Variants in HDAC2 observed in about 807,000 individuals in gnomAD.
HDAC2 encodes the protein histone deacetylase 2, also known as YY1-associated factor 1.
In HDAC2, 5 loss-of-function variants were observed where a neutral mutation model predicts 68.5. That is an observed-to-expected ratio of 0.07 (90% CI 0.04 to 0.15). The LOEUF (loss-of-function observed/expected upper bound fraction) is 0.15, where lower values mean the gene tolerates loss of function less well. Among genes scored for constraint, HDAC2 ranks in the 10% least tolerant of loss-of-function variants. The probability of loss-of-function intolerance (pLI) is 1.00; values close to 1 mark genes in which losing one functional copy is unlikely to be tolerated. For synonymous variants in HDAC2, 182 were observed against 191.3 expected (o/e 0.95, Z 0.40); for missense variants, 291 against 600.8 (o/e 0.48, Z 5.39).
At position 113,935,098 on chromosome 6, in the gene HDAC2, T is replaced by C. The variant is rs1775975391; in HGVS notation, c.*5960A>G. ...CATCCTCATGCTTGGAGGGCTATTATCTACCACAGGGCCACACAACAGTGC... is the reference window on the plus strand; with the variant it reads ...CATCCTCATGCTTGGAGGGCTATTACCTACCACAGGGCCACACAACAGTGC... On this transcript the variant is annotated 3_prime_UTR_variant, in exon 14 of 14. Coordinates refer to ENST00000519065, the MANE Select transcript of HDAC2 (RefSeq NM_001527.4). 6.6e-6 allele frequency: 1 copy of C among 152,148 alleles called. No individual in the cohort carries two copies. Among genetic ancestry groups the C allele is most frequent in the African/African-American group, 2.4e-5 (1 of 41,416 alleles). 9.4% of individuals were successfully genotyped at this position (152,148 alleles called of 1,614,324 possible).
At position 113,956,168 on chromosome 6, in the gene HDAC2, AG is replaced by A; in HGVS notation, c.359-18del. ...CAGCTCCAGCTAAGAAGTAGAAACA[AG>A]ATAGACCTTTTAAACATTTATCATA... On this transcript the variant is annotated intron_variant, in intron 4 of 13. Coordinates refer to ENST00000519065, the MANE Select transcript of HDAC2 (RefSeq NM_001527.4). 1 of 1,581,796 alleles carries A rather than the reference AG, an allele frequency of 6.3e-7. No homozygotes were observed. Among genetic ancestry groups the A allele is most frequent in the South Asian group, 1.2e-5 (1 of 85,628 alleles).
At position 113,936,498 on chromosome 6, in the gene HDAC2, C is replaced by G. The variant is rs891311089; in HGVS notation, c.*4560G>C. On this transcript the variant is annotated 3_prime_UTR_variant, in exon 14 of 14. Coordinates refer to ENST00000519065, the MANE Select transcript of HDAC2 (RefSeq NM_001527.4). ...GGCATCAAGATCCCCCCAAAGTTGT[C>G]AAATATTATTCGTATCCTTGCTAAA... 1.4e-4 allele frequency: 22 copies of G among 152,116 alleles called. No individual in the cohort carries two copies. The highest frequency in any genetic ancestry group is 5.3e-4 in the African/African-American group (22 of 41,410). 9.4% of individuals were successfully genotyped at this position (152,116 alleles called of 1,614,324 possible). A position where few individuals can be genotyped will look rare whatever the true frequency, so the allele number is the denominator to read the frequency against.
At chr6:113,951,739 T>C (rs1776421847) in intron 6 of HDAC2, among the ~76,000 whole-genome samples, 1 of 152,154 alleles carries the variant, frequency 6.6e-6, no homozygotes, top group Admixed American at 6.5e-5. Context: ...AGTGCTGGGA[T>C]TACAGGCGTG....
At chr6:113,966,835 G>A (rs573702927) in intron 1 of HDAC2, among the ~76,000 whole-genome samples, 4 of 152,334 alleles carry the variant, frequency 2.6e-5, no homozygotes, top group Non-Finnish European at 4.4e-5. Flanking sequence ...TCTGGGGAAA[G>A]AGAAGTATAG....
At chr6:113,946,254 T>G in intron 8 of HDAC2, 106 bp from the exon 9 acceptor site, 1 of 826,366 alleles carries the variant, frequency 1.2e-6, no homozygotes, top group Non-Finnish European at 1.8e-6. Flanking sequence ...CCAAAATGGG[T>G]TTTCTAAATA....
chr6:113,944,275 C>A lies in HDAC2; in HGVS notation c.1222+5G>T. ...CAAATTGGAAAAATAAAGGCATTAT[C>A]TTACTAGAAATTCTCTTGTCTGGAT... On this transcript the variant is annotated splice_donor_5th_base_variant and intron_variant, in intron 11 of 13. Coordinates refer to ENST00000519065, the MANE Select transcript of HDAC2 (RefSeq NM_001527.4). 1 of 1,609,774 alleles carries A rather than the reference C, an allele frequency of 6.2e-7. No homozygotes were observed. Among genetic ancestry groups the A allele is most frequent in the East Asian group, 2.2e-5 (1 of 44,840 alleles).
chr6:113,941,661 G>A (rs775310658), intron 13 of HDAC2, 47 bp downstream of exon 13: 8 of 717,146 alleles, frequency 1.1e-5, no homozygotes, highest in Non-Finnish European at 1.8e-5. Context: ...AACATGTTTA[G>A]TATTTTTATA....
rs757820940 is a variant in HDAC2 at position 113,958,808 on chromosome 6, G to A, written c.166-42C>T. 13 of 1,089,932 alleles carry A rather than the reference G, an allele frequency of 1.2e-5. No homozygotes were observed. The Middle Eastern group carries it at 5.9e-4, about 49-fold the overall frequency. The allele number at this position is 1,089,932 out of a possible 1,614,324, so 67.5% of individuals were successfully genotyped here. A position where few individuals can be genotyped will look rare whatever the true frequency, so the allele number is the denominator to read the frequency against. On this transcript the variant is annotated intron_variant, in intron 2 of 13. Transcript: ENST00000519065. ...ATGTCAGAACTGTGGAATTACAACCGGTTATATCAGTATTATCAAACAAAT... is the reference window on the plus strand; with the variant it reads ...ATGTCAGAACTGTGGAATTACAACCAGTTATATCAGTATTATCAAACAAAT...
Position 113,941,706 on chromosome 6 carries a change from AC to A in HDAC2, c.1436+1del. ...AAGTACTTGATAAGGAACATCATTTACCCTTTGGTATCTGTTTTTTCACCAC... is the reference window on the plus strand; with the variant it reads ...AAGTACTTGATAAGGAACATCATTTACCTTTGGTATCTGTTTTTTCACCAC... On this transcript the variant is annotated splice_donor_variant, in intron 13 of 13. Transcript: ENST00000519065. LOFTEE classifies it high-confidence loss of function. The A allele has an allele frequency of 7.5e-7, 1 of 1,326,476 alleles. No individual in the cohort carries two copies. The highest frequency in any genetic ancestry group is 1.1e-6 in the Non-Finnish European group (1 of 950,904). 82.2% of individuals were successfully genotyped at this position (1,326,476 alleles called of 1,614,324 possible).
At chr6:113,969,336 C>T (rs975432002) in intron 1 of HDAC2, among the ~76,000 whole-genome samples, 19 of 152,320 alleles carry the variant, frequency 1.2e-4, no homozygotes, top group Admixed American at 1.2e-3. Flanking sequence ...CCAAATGACA[C>T]AGGTGGTTAT....
At chr6:113,958,482 T>C in intron 3 of HDAC2, 167 bp downstream of exon 3, 1 of 501,206 alleles carries the variant, frequency 2.0e-6, no homozygotes, top group South Asian at 2.8e-5. Flanking sequence ...ATAGGTTTAC[T>C]TTTTTCTTAA....
chr6:113,949,490 C>T (rs1055210280), intron 6 of HDAC2, among the ~76,000 whole-genome samples: 7 of 150,510 alleles, frequency 4.7e-5, no homozygotes, highest in African/African-American at 1.5e-4. Flanking sequence ...GAACCATTTT[C>T]AATTAATCTG....
At chr6:113,954,782 C>G (rs1163878390) in intron 5 of HDAC2, among the ~76,000 whole-genome samples, 1 of 152,056 alleles carries the variant, frequency 6.6e-6, no homozygotes, top group Non-Finnish European at 1.5e-5. Context: ...TAACTACAAG[C>G]AAAAAACACT....
At chr6:113,942,644 G>A (rs1239312669) in intron 12 of HDAC2, among the ~76,000 whole-genome samples, 1 of 152,224 alleles carries the variant, frequency 6.6e-6, no homozygotes, top group Non-Finnish European at 1.5e-5. Context: ...CCCTAGCCAT[G>A]AGCAGCTCAG....
In HDAC2 at chr6:113,953,421, GA is replaced by G; in HGVS notation, c.498-4del. ...TATATAAGACTCTCTGATGATACCT[GA>G]AAACAAATCCATAAGTTTTGGTTTT... On this transcript the variant is annotated splice_polypyrimidine_tract_variant and splice_region_variant and intron_variant, in intron 5 of 13. Transcript: ENST00000519065. The G allele has an allele frequency of 6.5e-7, 1 of 1,549,866 alleles. No individual in the cohort carries two copies. The highest frequency in any genetic ancestry group is 8.8e-7 in the Non-Finnish European group (1 of 1,134,788).
In HDAC2 at chr6:113,969,140, T is replaced by C. The variant is rs148771780; in HGVS notation, c.52+1717A>G. Among the ~76,000 whole-genome samples, 53 of 152,374 alleles carry C rather than the reference T, an allele frequency of 3.5e-4. No homozygotes were observed. In the East Asian group the frequency reaches 9.6e-3, roughly 28 times the overall value. ...GGCAAGAATAACCCAAAATATGCAA[T>C]GTAAATCATGTTGAAATTAAAATGT... On this transcript the variant is annotated intron_variant, in intron 1 of 13. Coordinates refer to ENST00000519065, the MANE Select transcript of HDAC2 (RefSeq NM_001527.4).
intron 5 of HDAC2, among the ~76,000 whole-genome samples, chr6:113,955,039 T>C (rs1254580619): frequency 6.6e-6 from 1 of 152,216 alleles, no homozygotes; most frequent in Admixed American, 6.5e-5. Context: ...TAAAAAAATT[T>C]CCTTTAACAC....
intron 1 of HDAC2, among the ~76,000 whole-genome samples, chr6:113,962,627 TG>T (rs1205864697): frequency 1.3e-5 from 2 of 152,142 alleles, no homozygotes; most frequent in Non-Finnish European, 1.5e-5. Flanking sequence ...AAATGATACA[TG>T]TATACAGGGC....
rs1480496858 is a variant in HDAC2, at chr6:113,940,542, T to C, written c.*516A>G. ...AGAGGGCAAGGTGGTAGAATTTCTA[T>C]TGCAAAGATAAGTAATAATTACTAT... On this transcript the variant is annotated 3_prime_UTR_variant, in exon 14 of 14. Transcript: ENST00000519065. The C allele has an allele frequency of 6.5e-6, 1 of 152,820 alleles. No homozygotes were observed. The highest frequency in any genetic ancestry group is 2.4e-5 in the African/African-American group (1 of 41,452). 9.5% of individuals were successfully genotyped at this position (152,820 alleles called of 1,614,324 possible).
Sources: gnomAD v4.1 joint callset for allele counts (sites outside exome capture counted in the v4.1 genomes callset) on GRCh38, gnomAD v4.1.1 for gene constraint, MANE v1.5 for transcripts, NCBI Gene and HGNC (gene_info 2026-07-23, HGNC 2026-07-21) for gene names.